The following HDAC4 variants were observed in gnomAD, a reference collection of about 807,000 sequenced individuals.
The protein encoded by HDAC4 is histone deacetylase 4, also known as histone deacetylase A.
HDAC4 carries 16 observed loss-of-function variants against 135.1 expected under a neutral mutation model. That is an observed-to-expected ratio of 0.12 (90% CI 0.08 to 0.18). The LOEUF (loss-of-function observed/expected upper bound fraction) is 0.18, where lower values mean the gene tolerates loss of function less well. Ranked by LOEUF, HDAC4 falls within the 10% of genes least tolerant of loss-of-function variation. The probability of loss-of-function intolerance (pLI) is 1.00; values close to 1 mark genes in which losing one functional copy is unlikely to be tolerated. For missense variants in HDAC4, 1,143 were observed against 1,511.8 expected (o/e 0.76, Z 4.05); for synonymous variants, 685 against 653.4 (o/e 1.05, Z -0.74).
intron 1 of HDAC4, among the ~76,000 whole-genome samples, chr2:239,362,663 C>A (rs550265805): frequency 3.0e-4 from 46 of 152,214 alleles, no homozygotes; most frequent in African/African-American, 6.7e-4. Flanking sequence ...CAGAGTCACA[C>A]AAAGGAGAGC....
At chr2:239,281,696 C>T (rs1487971935) in intron 2 of HDAC4, among the ~76,000 whole-genome samples, 3 of 150,208 alleles carry the variant, frequency 2.0e-5, no homozygotes, top group Non-Finnish European at 4.4e-5. Context: ...CACTACTCTA[C>T]ACGCAGTGTA....
At chr2:239,284,910 T>C (rs970474224) in intron 2 of HDAC4, among the ~76,000 whole-genome samples, 1 of 152,106 alleles carries the variant, frequency 6.6e-6, no homozygotes. Flanking sequence ...TTAGGGTATA[T>C]TTAGAGGCTC....
In HDAC4 at chr2:239,245,344, C is replaced by T. The variant is rs13391448; in HGVS notation, c.23-8680G>A. On this transcript the variant is annotated intron_variant, in intron 2 of 26. Transcript: ENST00000543185. The surrounding 1 kb of genome is among the most constrained non-coding windows in gnomAD (Gnocchi z 4.4). ...TCCCAGGACAAAGGACTCAGTGAGG[C>T]GGAGAGTGGGCAGGGGAAATTTCAG... is the stretch of plus-strand genomic sequence containing the variant. Among the ~76,000 whole-genome samples, 23,945 of 152,130 alleles carry T rather than the reference C, an allele frequency of 0.16. 2,681 individuals carry two copies. Among genetic ancestry groups the T allele is most frequent in the East Asian group, 0.38 (1,981 of 5,166 alleles).
At chr2:239,387,717 A>G (rs1695918722) in intron 1 of HDAC4, among the ~76,000 whole-genome samples, 1 of 152,224 alleles carries the variant, frequency 6.6e-6, no homozygotes, top group South Asian at 2.1e-4. Flanking sequence ...CAATGGCACC[A>G]GAGCAGCTGG....
At chr2:239,315,739 A>G (rs139250061) in intron 2 of HDAC4, among the ~76,000 whole-genome samples, 34 of 152,186 alleles carry the variant, frequency 2.2e-4, no homozygotes, top group Non-Finnish European at 2.8e-4. Context: ...ACCTAACACC[A>G]TACACAAGGG....
chr2:239,156,090 C>T (rs1006294977), intron 7 of HDAC4, among the ~76,000 whole-genome samples: 1 of 152,244 alleles, frequency 6.6e-6, no homozygotes, highest in Non-Finnish European at 1.5e-5. Flanking sequence ...GGTCCAGGCA[C>T]CTGCTTGTGC....
chr2:239,175,839 T>C (rs1258784509), intron 5 of HDAC4, among the ~76,000 whole-genome samples: 1 of 152,238 alleles, frequency 6.6e-6, no homozygotes, highest in East Asian at 1.9e-4. Flanking sequence ...TTAAAATGTT[T>C]AAATCAAACC....
chr2:239,140,323 C>T (rs900335165), intron 8 of HDAC4, among the ~76,000 whole-genome samples: 14 of 152,170 alleles, frequency 9.2e-5, no homozygotes, highest in African/African-American at 1.4e-4. Context: ...GGAAAACACA[C>T]GCTCGGACAG....
intron 22 of HDAC4, among the ~76,000 whole-genome samples, chr2:239,070,927 G>GTTT (rs10572423): frequency 6.9e-6 from 1 of 144,000 alleles, no homozygotes; most frequent in Non-Finnish European, 1.5e-5. Flanking sequence ...AGTCTCTGTT[G>GTTT]TTTTTTTTTT....
Position 239,303,459 on chromosome 2 carries a change from A to C in HDAC4, c.22+49219T>G, listed in dbSNP as rs551968037. On this transcript the variant is annotated intron_variant, in intron 2 of 26. Coordinates refer to ENST00000543185, the MANE Select transcript of HDAC4 (RefSeq NM_001378414.1). The surrounding 1 kb of genome is among the most constrained non-coding windows in gnomAD (Gnocchi z 5.1). ...ACAGGGCATCCTGCGAGAGCGTCAC[A>C]AGCACCCCACGAACAAGACACGGCA... 6.6e-6 allele frequency among the ~76,000 whole-genome samples: 1 copy of C among 151,334 alleles called. No homozygotes were observed. Among genetic ancestry groups the C allele is most frequent in the Non-Finnish European group, 1.5e-5 (1 of 67,882 alleles).
chr2:239,139,917 G>C lies in HDAC4; in HGVS notation c.866-121C>G. 1.4e-6 allele frequency: 1 copy of C among 711,814 alleles called. No individual in the cohort carries two copies. Among genetic ancestry groups the C allele is most frequent in the Non-Finnish European group, 2.5e-6 (1 of 407,010 alleles). 44.1% of individuals were successfully genotyped at this position (711,814 alleles called of 1,614,324 possible). On this transcript the variant is annotated intron_variant, in intron 8 of 26. Coordinates refer to ENST00000543185, the MANE Select transcript of HDAC4 (RefSeq NM_001378414.1). The surrounding 1 kb of genome is among the most constrained non-coding windows in gnomAD (Gnocchi z 5.3). ...GCTCGTTAGCTTGCGACAGGCAGAA[G>C]TCCCAACAAAAAGAACATGGCCATG...
In HDAC4 at chr2:239,139,903, T is replaced by C; in HGVS notation, c.866-107A>G. On this transcript the variant is annotated intron_variant, in intron 8 of 26. Transcript: ENST00000543185. The surrounding 1 kb of genome is among the most constrained non-coding windows in gnomAD (Gnocchi z 5.3). The stretch of plus-strand genomic sequence containing the variant: ...CCTTCCACGGACCTGCTCGTTAGCT[T>C]GCGACAGGCAGAAGTCCCAACAAAA... 1.2e-6 allele frequency: 1 copy of C among 805,424 alleles called. No individual in the cohort carries two copies. The highest frequency in any genetic ancestry group is 2.1e-6 in the Non-Finnish European group (1 of 473,366). 49.9% of individuals were successfully genotyped at this position (805,424 alleles called of 1,614,324 possible). A position where few individuals can be genotyped will look rare whatever the true frequency, so the allele number is the denominator to read the frequency against.
chr2:239,143,174 C>CA lies in HDAC4; in HGVS notation c.865+1408dup, dbSNP rs2041518789. On this transcript the variant is annotated intron_variant, in intron 8 of 26. Coordinates refer to ENST00000543185, the MANE Select transcript of HDAC4 (RefSeq NM_001378414.1). ...CCAGTGCTGACTCAAAAACAGCACT[C>CA]AGTAGTCACTGGGTGACAACAGGAA... Among the ~76,000 whole-genome samples the CA allele has an allele frequency of 3.3e-5, 5 of 152,276 alleles. No individual in the cohort carries two copies. The South Asian group carries it at 1.0e-3, about 32-fold the overall frequency.
intron 16 of HDAC4, among the ~76,000 whole-genome samples, chr2:239,098,530 C>A (rs998367588): frequency 6.6e-6 from 1 of 152,260 alleles, no homozygotes; most frequent in Non-Finnish European, 1.5e-5. Flanking sequence ...ACCCTGCCAG[C>A]TGACATGAGC....
At chr2:239,172,899 C>T (rs1054366488) in intron 5 of HDAC4, among the ~76,000 whole-genome samples, 2 of 151,810 alleles carry the variant, frequency 1.3e-5, no homozygotes, top group Non-Finnish European at 2.9e-5. Flanking sequence ...GTCAAAAATA[C>T]AAAAATGTAT....
chr2:239,200,885 C>A (rs1404401155), intron 3 of HDAC4, among the ~76,000 whole-genome samples: 1 of 152,070 alleles, frequency 6.6e-6, no homozygotes, highest in Non-Finnish European at 1.5e-5. Flanking sequence ...CTTTAGCCTT[C>A]TAGAAAAGAA....
At chr2:239,341,309 C>A (rs1009534600) in intron 2 of HDAC4, among the ~76,000 whole-genome samples, 3 of 152,230 alleles carry the variant, frequency 2.0e-5, no homozygotes, top group Non-Finnish European at 4.4e-5. Context: ...GGTGTTCAGG[C>A]AAAGACAGGG....
At chr2:239,336,198 T>A (rs951487753) in intron 2 of HDAC4, among the ~76,000 whole-genome samples, 2 of 152,144 alleles carry the variant, frequency 1.3e-5, no homozygotes, top group Non-Finnish European at 2.9e-5. Flanking sequence ...AGAAGTGGTA[T>A]CTAGAGGGTG....
chr2:239,329,758 G>C (rs1179051223), intron 2 of HDAC4, among the ~76,000 whole-genome samples: 1 of 152,244 alleles, frequency 6.6e-6, no homozygotes, highest in Non-Finnish European at 1.5e-5. Context: ...CCCAACAGGA[G>C]GACAGCAGCT....
Sources: allele counts gnomAD v4.1 joint callset (sites outside exome capture counted in the v4.1 genomes callset), GRCh38; gene constraint gnomAD v4.1.1; non-coding constraint Gnocchi (gnomAD v3.1); transcripts MANE v1.5; gene names NCBI Gene and HGNC (gene_info 2026-07-23, HGNC 2026-07-21).